Variants in ANKRD6 observed in about 807,000 individuals in gnomAD.
ANKRD6 encodes the protein ankyrin repeat domain 6, also known as ankyrin repeat domain-containing protein 6.
ANKRD6 carries 56 observed loss-of-function variants against 82.3 expected under a neutral mutation model. The observed-to-expected ratio is 0.68, with a 90% confidence interval of 0.55 to 0.85. The LOEUF is 0.85. Among genes scored for constraint, ANKRD6 ranks in the 40% least tolerant of loss-of-function variants. The pLI, the probability that ANKRD6 is intolerant of heterozygous loss-of-function variation, is 0.00. For synonymous variants in ANKRD6, 347 were observed against 352.1 expected (o/e 0.99, Z 0.16); for missense variants, 852 against 907.6 (o/e 0.94, Z 0.79).
chr6:89,565,759 G>A (rs1415728138), intron 1 of ANKRD6, among the ~76,000 whole-genome samples: 1 of 152,194 alleles, frequency 6.6e-6, no homozygotes, highest in African/African-American at 2.4e-5. Flanking sequence ...GTGTGGTAGG[G>A]TTTGGGTTGA....
chr6:89,497,065 T>C (rs1175804292), intron 1 of ANKRD6, among the ~76,000 whole-genome samples: 1 of 152,192 alleles, frequency 6.6e-6, no homozygotes, highest in Non-Finnish European at 1.5e-5. Flanking sequence ...GGATGCTTTC[T>C]CTCTGAACTT....
chr6:89,474,106 A>AAAAACAAAACAAAAC (rs61656053), intron 1 of ANKRD6, among the ~76,000 whole-genome samples: 31 of 150,568 alleles, frequency 2.1e-4, no homozygotes, highest in African/African-American at 6.4e-4. Flanking sequence ...CCTGTCTCAA[A>AAAAACAAAACAAAAC]AAAACAAAAC....
At chr6:89,502,404 G>C (rs1274644509) in intron 1 of ANKRD6, among the ~76,000 whole-genome samples, 1 of 152,136 alleles carries the variant, frequency 6.6e-6, no homozygotes, top group Non-Finnish European at 1.5e-5. Flanking sequence ...CTAGCACTTT[G>C]GGAGGCTGAA....
intron 6 of ANKRD6, among the ~76,000 whole-genome samples, chr6:89,613,337 AC>A (rs1445051192): frequency 6.6e-6 from 1 of 151,830 alleles, no homozygotes; most frequent in Non-Finnish European, 1.5e-5. Context: ...AGATTTGACA[AC>A]CCCCCTGCTG....
At chr6:89,629,573 G>T in intron 15 of ANKRD6, 1 of 333,528 alleles carries the variant, frequency 3.0e-6, no homozygotes, top group South Asian at 2.8e-5. Flanking sequence ...CCTCAGCAGG[G>T]CTCTTCCTCC....
At chr6:89,465,608 C>A (rs1462515799) in intron 1 of ANKRD6, among the ~76,000 whole-genome samples, 1 of 151,992 alleles carries the variant, frequency 6.6e-6, no homozygotes, top group Non-Finnish European at 1.5e-5. Context: ...CACCCATAAT[C>A]CCAGTGCTTT....
chr6:89,542,835 A>G (rs2128009743), intron 1 of ANKRD6, among the ~76,000 whole-genome samples: 1 of 152,370 alleles, frequency 6.6e-6, no homozygotes, highest in South Asian at 2.1e-4. Flanking sequence ...TATGAGGGCA[A>G]AAATTTACTG....
intron 3 of ANKRD6, among the ~76,000 whole-genome samples, chr6:89,600,084 A>T (rs1043828019): frequency 6.6e-6 from 1 of 152,214 alleles, no homozygotes; most frequent in Admixed American, 6.5e-5. Flanking sequence ...CACACAAGTC[A>T]TTAGATTTCC....
rs147776072 is a variant in ANKRD6 at position 89,578,543 on chromosome 6, G to A, written c.120+11447G>A. Among the ~76,000 whole-genome samples the A allele has an allele frequency of 3.8e-4, 58 of 152,214 alleles. No individual in the cohort carries two copies. The East Asian group carries it at 0.01, about 27-fold the overall frequency. On this transcript the variant is annotated intron_variant, in intron 2 of 15. Transcript: ENST00000339746. ...ACTCCTAGCCTGAAGTGATCTGCCC[G>A]CCTTGGCCTCCCAAAGTGCTGGGAT... is the stretch of plus-strand genomic sequence containing the variant.
chr6:89,446,036 C>A (rs1041936703), intron 1 of ANKRD6, among the ~76,000 whole-genome samples: 1 of 152,146 alleles, frequency 6.6e-6, no homozygotes, highest in African/African-American at 2.4e-5. Context: ...GCCTCCTATT[C>A]CCTAAGACAC....
At chr6:89,574,057 T>C (rs1041050239) in intron 2 of ANKRD6, among the ~76,000 whole-genome samples, 7 of 152,178 alleles carry the variant, frequency 4.6e-5, no homozygotes, top group African/African-American at 1.4e-4. Flanking sequence ...GTGTCTCTCT[T>C]ACATTTATCT....
At chr6:89,605,913 G>C (rs976926072) in intron 4 of ANKRD6, 94 bp from the exon 5 acceptor site, 5 of 811,376 alleles carry the variant, frequency 6.2e-6, no homozygotes, top group Admixed American at 5.7e-5. Flanking sequence ...AAGGCCGTCT[G>C]GTGTTCCGTA....
At chr6:89,554,769 A>G (rs893920065) in intron 1 of ANKRD6, among the ~76,000 whole-genome samples, 1 of 152,218 alleles carries the variant, frequency 6.6e-6, no homozygotes, top group Admixed American at 6.5e-5. Flanking sequence ...AAGACATTGT[A>G]CACAAGACTA....
intron 1 of ANKRD6, among the ~76,000 whole-genome samples, chr6:89,555,768 C>T (rs1786508330): frequency 1.3e-5 from 2 of 151,940 alleles, no homozygotes; most frequent in African/African-American, 4.8e-5. Flanking sequence ...TGGGATGAGA[C>T]TATGCATGGA....
chr6:89,479,598 T>A (rs1439465266), intron 1 of ANKRD6, among the ~76,000 whole-genome samples: 1 of 149,680 alleles, frequency 6.7e-6, no homozygotes, highest in East Asian at 1.9e-4. Context: ...TTTTATTTTT[T>A]ATTTTTATTT....
intron 1 of ANKRD6, among the ~76,000 whole-genome samples, chr6:89,488,780 T>C (rs1251317404): frequency 6.6e-6 from 1 of 152,246 alleles, no homozygotes; most frequent in African/African-American, 2.4e-5. Flanking sequence ...TGTGACCCAC[T>C]ATGAGAACTA....
rs112513054 is a variant in ANKRD6 at position 89,575,141 on chromosome 6, T to C, written c.120+8045T>C. ...CTTCTAGGTATGAGGCAGGACCCTC[T>C]CTGGAATGGAGTGTTAAGACCTACA... On this transcript the variant is annotated intron_variant, in intron 2 of 15. Transcript: ENST00000339746. Among the ~76,000 whole-genome samples the C allele has an allele frequency of 8.3e-3, 1,263 of 152,340 alleles. 25 individuals carry two copies. The highest frequency in any genetic ancestry group is 0.029 in the African/African-American group (1,219 of 41,580).
rs1807466161 is a variant in ANKRD6 at position 89,631,829 on chromosome 6, C to G, written c.*825C>G. The G allele has an allele frequency of 6.6e-6, 1 of 152,098 alleles. No homozygotes were observed. Among genetic ancestry groups the G allele is most frequent in the African/African-American group, 2.4e-5 (1 of 41,406 alleles). 9.4% of individuals were successfully genotyped at this position (152,098 alleles called of 1,614,324 possible). ...AATCAAACCCAATTATATCAGAATACCTTTCTGAATTTGAGATTTTTGCTC... is the reference window on the plus strand; with the variant it reads ...AATCAAACCCAATTATATCAGAATAGCTTTCTGAATTTGAGATTTTTGCTC... On this transcript the variant is annotated 3_prime_UTR_variant, in exon 16 of 16. Coordinates refer to ENST00000339746, the MANE Select transcript of ANKRD6 (RefSeq NM_001242809.2).
At chr6:89,532,636 T>G (rs1783308793) in intron 1 of ANKRD6, among the ~76,000 whole-genome samples, 1 of 152,198 alleles carries the variant, frequency 6.6e-6, no homozygotes, top group Non-Finnish European at 1.5e-5. Flanking sequence ...GACACTTCCC[T>G]GCTGCTCAAA....
Sources: gnomAD v4.1 joint callset for allele counts (sites outside exome capture counted in the v4.1 genomes callset) on GRCh38, gnomAD v4.1.1 for gene constraint, MANE v1.5 for transcripts, NCBI Gene and HGNC (gene_info 2026-07-23, HGNC 2026-07-21) for gene names.